The following INPP4B variants were observed in gnomAD, a reference collection of about 807,000 sequenced individuals.
INPP4B encodes inositol polyphosphate 4-phosphatase type II.
A neutral mutation model predicts 122.5 loss-of-function variants in INPP4B; 55 were observed. The ratio of observed to expected loss-of-function variants is 0.45; its 90% CI spans 0.36 to 0.56. The LOEUF (loss-of-function observed/expected upper bound fraction) is 0.56, where lower values mean the gene tolerates loss of function less well. INPP4B is among the 20% of genes least tolerant of loss of function. INPP4B has a pLI of 0.00. For missense variants in INPP4B, 1,000 were observed against 1,097.7 expected (o/e 0.91, Z 1.26); for synonymous variants, 403 against 388.7 (o/e 1.04, Z -0.43).
intron 1 of INPP4B, among the ~76,000 whole-genome samples, chr4:142,751,168 C>A (rs1769631934): frequency 6.7e-6 from 1 of 149,730 alleles, no homozygotes; most frequent in Admixed American, 6.8e-5. Flanking sequence ...AAGGTAGGGG[C>A]ATTAGTCAAA....
chr4:142,347,757 C>A (rs1343139522), intron 7 of INPP4B, among the ~76,000 whole-genome samples: 1 of 151,568 alleles, frequency 6.6e-6, no homozygotes, highest in Non-Finnish European at 1.5e-5. Context: ...ATAGAGATTG[C>A]ACTAGGTAAA....
At chr4:142,072,037 C>T (rs1424102587) in intron 25 of INPP4B, among the ~76,000 whole-genome samples, 1 of 152,140 alleles carries the variant, frequency 6.6e-6, no homozygotes, top group Admixed American at 6.5e-5. Context: ...CACATGCACA[C>T]ATATGTTTAT....
intron 5 of INPP4B, among the ~76,000 whole-genome samples, chr4:142,412,801 A>G (rs1409859815): frequency 6.6e-6 from 1 of 151,718 alleles, no homozygotes; most frequent in African/African-American, 2.4e-5. Context: ...TTCCTTTGAC[A>G]TTATTCTTTT....
intron 25 of INPP4B, among the ~76,000 whole-genome samples, chr4:142,035,438 T>C (rs1009397587): frequency 6.6e-6 from 1 of 152,282 alleles, no homozygotes; most frequent in South Asian, 2.1e-4. Flanking sequence ...CTCTAGAATC[T>C]TTTTAACTAG....
At chr4:142,353,375 A>T (rs1782550110) in intron 7 of INPP4B, among the ~76,000 whole-genome samples, 1 of 152,036 alleles carries the variant, frequency 6.6e-6, no homozygotes, top group South Asian at 2.1e-4. Context: ...AGAGGAAAAA[A>T]TTCCATTCCC....
intron 2 of INPP4B, among the ~76,000 whole-genome samples, chr4:142,549,433 T>A (rs528045114): frequency 6.6e-6 from 1 of 152,164 alleles, no homozygotes; most frequent in African/African-American, 2.4e-5. Flanking sequence ...GGCTCCCCAG[T>A]CAAGGAGTCT....
intron 12 of INPP4B, among the ~76,000 whole-genome samples, chr4:142,224,560 T>C (rs1850712564): frequency 6.6e-6 from 1 of 152,164 alleles, no homozygotes; most frequent in African/African-American, 2.4e-5. Flanking sequence ...ACACAGAGAA[T>C]GTGTCTCTTT....
intron 18 of INPP4B, among the ~76,000 whole-genome samples, chr4:142,141,166 GA>G (rs1807606261): frequency 6.6e-6 from 1 of 152,164 alleles, no homozygotes; most frequent in Non-Finnish European, 1.5e-5. Context: ...ATTATATCTG[GA>G]CCAGTGGGTA....
At chr4:142,040,222 C>T (rs1746524549) in intron 25 of INPP4B, among the ~76,000 whole-genome samples, 1 of 152,062 alleles carries the variant, frequency 6.6e-6, no homozygotes, top group African/African-American at 2.4e-5. Flanking sequence ...AAGCCTTGTT[C>T]GTTGTTCACT....
At chr4:142,093,915 T>C (rs758798061) in intron 23 of INPP4B, among the ~76,000 whole-genome samples, 4 of 152,030 alleles carry the variant, frequency 2.6e-5, no homozygotes, top group Non-Finnish European at 5.9e-5. Flanking sequence ...ACTTTAAAAG[T>C]AATTTTTAAA....
intron 25 of INPP4B, among the ~76,000 whole-genome samples, chr4:142,071,040 G>C (rs140106088): frequency 0.024 from 3,699 of 152,216 alleles, 61 homozygotes; most frequent in Middle Eastern, 0.044. Flanking sequence ...ACAATCTTAA[G>C]CCAAAAGAAT....
At chr4:142,583,656 G>C (rs1183034428) in intron 2 of INPP4B, 1 of 152,158 alleles carries the variant, frequency 6.6e-6, no homozygotes, top group African/African-American at 2.4e-5. Flanking sequence ...GTGTGAAGCT[G>C]AAATGCCTGT....
At chr4:142,426,126 C>A (rs958927909) in intron 5 of INPP4B, among the ~76,000 whole-genome samples, 1 of 151,862 alleles carries the variant, frequency 6.6e-6, no homozygotes, top group African/African-American at 2.4e-5. Flanking sequence ...ATGTGGTGTA[C>A]ATACAAAAAT....
At chr4:142,618,835 A>G (rs1287321095) in intron 2 of INPP4B, among the ~76,000 whole-genome samples, 1 of 152,010 alleles carries the variant, frequency 6.6e-6, no homozygotes, top group Non-Finnish European at 1.5e-5. Context: ...ATATCTAATA[A>G]GGGATTACTA....
chr4:142,029,946 C>A (rs1738746907), intron 25 of INPP4B: 2 of 1,301,956 alleles, frequency 1.5e-6, no homozygotes, highest in Non-Finnish European at 2.0e-6. Flanking sequence ...AACAAAAGAG[C>A]AAAATAATCC....
chr4:142,567,372 G>A (rs912164177), intron 2 of INPP4B, among the ~76,000 whole-genome samples: 41 of 152,042 alleles, frequency 2.7e-4, no homozygotes, highest in Non-Finnish European at 4.0e-4. Flanking sequence ...GGCAGATGTC[G>A]CTGATCACTA....
In INPP4B at chr4:142,557,176, C is replaced by T. The variant is rs550249715; in HGVS notation, c.-190-94450G>A. Among the ~76,000 whole-genome samples, 3 of 152,246 alleles carry T rather than the reference C, an allele frequency of 2.0e-5. No homozygotes were observed. The South Asian group carries it at 6.2e-4, about 32-fold the overall frequency. Reference sequence around the variant, plus strand: ...GACAATGCTGGAGAAGGAAGGCCGGCAGTTCTCCAGGGTAGGGCAGCTGAT... The same window carrying T: ...GACAATGCTGGAGAAGGAAGGCCGGTAGTTCTCCAGGGTAGGGCAGCTGAT... On this transcript the variant is annotated intron_variant, in intron 2 of 25. Transcript: ENST00000262992.
chr4:142,694,007 A>G (rs1393308098), intron 2 of INPP4B, among the ~76,000 whole-genome samples: 1 of 152,158 alleles, frequency 6.6e-6, no homozygotes, highest in Non-Finnish European at 1.5e-5. Flanking sequence ...TAAAATAAAT[A>G]AAAGGGCTCT....
intron 9 of INPP4B, among the ~76,000 whole-genome samples, chr4:142,277,886 A>C (rs149837786): frequency 7.7e-4 from 117 of 151,960 alleles, no homozygotes; most frequent in African/African-American, 2.7e-3. Context: ...AGAATGGTAC[A>C]ATGGACTTTA....
Sources: allele counts gnomAD v4.1 joint callset (sites outside exome capture counted in the v4.1 genomes callset), GRCh38; gene constraint gnomAD v4.1.1; transcripts MANE v1.5; gene names NCBI Gene and HGNC (gene_info 2026-07-23, HGNC 2026-07-21).